Variants in SPATA19 observed in about 807,000 individuals in gnomAD.
SPATA19 encodes the protein spermatogenesis associated 19.
In SPATA19, 19 loss-of-function variants were observed where a neutral mutation model predicts 25.0. The ratio of observed to expected loss-of-function variants is 0.76; its 90% CI spans 0.53 to 1.11. The LOEUF is 1.11. Ranked by LOEUF, SPATA19 falls within the 50% of genes most tolerant of loss-of-function variation. The pLI is 0.00. For synonymous variants in SPATA19, 64 were observed against 69.3 expected (o/e 0.92, Z 0.38); for missense variants, 222 against 211.4 (o/e 1.05, Z -0.31).
At position 133,844,356 on chromosome 11, in the gene SPATA19, C is replaced by T; in HGVS notation, c.268-19G>A. The stretch of plus-strand genomic sequence containing the variant: ...GCTTCACCTGGGAAATCCAGAGGGT[C>T]CATGTGATTCCTGCCCAGTGTGGCC... On this transcript the variant is annotated intron_variant, in intron 3 of 6. Transcript: ENST00000299140. 6.2e-7 allele frequency: 1 copy of T among 1,613,592 alleles called. No homozygotes were observed. Among genetic ancestry groups the T allele is most frequent in the Non-Finnish European group, 8.5e-7 (1 of 1,179,514 alleles).
chr11:133,845,230 G>A (rs1326783474), intron 1 of SPATA19, 40 bp from the exon 2 acceptor site: 1 of 1,607,330 alleles, frequency 6.2e-7, no homozygotes, highest in Non-Finnish European at 8.5e-7. Flanking sequence ...AGAAAACCTA[G>A]AAATTCAGCT....
chr11:133,843,127 T>C (rs987194128), intron 4 of SPATA19, among the ~76,000 whole-genome samples: 6 of 152,214 alleles, frequency 3.9e-5, no homozygotes, highest in African/African-American at 7.2e-5. Flanking sequence ...AAAATCTTTG[T>C]AGAAAATCCA....
At chr11:133,841,966 C>T in intron 6 of SPATA19, 64 bp downstream of exon 6, 2 of 1,445,708 alleles carry the variant, frequency 1.4e-6, no homozygotes, top group East Asian at 2.3e-5. Context: ...AGCTGCAGTG[C>T]CCCTTCCCAC....
downstream of SPATA19, chr11:133,840,493 T>C (rs1398426122): frequency 1.3e-5 from 2 of 152,196 alleles, no homozygotes; most frequent in Non-Finnish European, 2.9e-5. Flanking sequence ...ATATCGCCAT[T>C]GTCACATTGC....
At chr11:133,839,747 A>G (rs1408868478), downstream of SPATA19, among the ~76,000 whole-genome samples, 2 of 152,182 alleles carry the variant, frequency 1.3e-5, no homozygotes, top group Non-Finnish European at 2.9e-5. Flanking sequence ...ACAAAGAGAA[A>G]AAGAAAAGAG....
intron 1 of SPATA19, 26 bp from the exon 2 acceptor site, chr11:133,845,216 C>T (rs1302273295): frequency 6.2e-7 from 1 of 1,612,724 alleles, no homozygotes; most frequent in Non-Finnish European, 8.5e-7. Context: ...AAGTTGGTGA[C>T]CTCAGAAAAC....
chr11:133,835,996 G>A (rs1646166852), downstream of SPATA19, among the ~76,000 whole-genome samples: 2 of 152,166 alleles, frequency 1.3e-5, no homozygotes, highest in Admixed American at 6.5e-5. Context: ...CTGTCTCCAC[G>A]TGTAAAATCA....
chr11:133,844,375 T>A (rs371626196), intron 3 of SPATA19, 38 bp from the exon 4 acceptor site: 1 of 1,612,550 alleles, frequency 6.2e-7, no homozygotes, highest in Non-Finnish European at 8.5e-7. Flanking sequence ...TCCTGCCCAG[T>A]GTGGCCCCCA....
Position 133,845,492 on chromosome 11 carries a change from G to A in SPATA19, c.-46C>T, listed in dbSNP as rs771275369. The A allele has an allele frequency of 6.2e-7, 1 of 1,601,516 alleles. No homozygotes were observed. The highest frequency in any genetic ancestry group is 1.7e-5 in the Admixed American group (1 of 59,808). On this transcript the variant is annotated 5_prime_UTR_variant, in exon 1 of 7. Transcript: ENST00000299140. Reference sequence around the variant, plus strand: ...CCCTTCTTGGCTCCCTCCTTCCATTGAAGCTGCCTGAGAACTCCTATGGGA... The same window carrying A: ...CCCTTCTTGGCTCCCTCCTTCCATTAAAGCTGCCTGAGAACTCCTATGGGA...
At chr11:133,842,133 G>T (rs1028244841) in intron 5 of SPATA19, 28 bp from the exon 6 acceptor site, 7 of 1,609,756 alleles carry the variant, frequency 4.3e-6, no homozygotes, top group Non-Finnish European at 4.2e-6. Flanking sequence ...GAAGGGCCAG[G>T]TGGAGGGAGG....
intron 2 of SPATA19, 57 bp downstream of exon 2, chr11:133,845,077 C>G: frequency 6.7e-7 from 1 of 1,493,650 alleles, no homozygotes; most frequent in Non-Finnish European, 9.3e-7. Context: ...CCCACACCCA[C>G]TGAGACCACT....
downstream of SPATA19, among the ~76,000 whole-genome samples, chr11:133,839,749 A>G (rs183244910): frequency 3.2e-4 from 49 of 152,314 alleles, no homozygotes; most frequent in African/African-American, 1.2e-3. Flanking sequence ...AAAGAGAAAA[A>G]GAAAAGAGTG....
chr11:133,838,549 A>G (rs950733708), downstream of SPATA19, among the ~76,000 whole-genome samples: 1 of 152,268 alleles, frequency 6.6e-6, no homozygotes, highest in African/African-American at 2.4e-5. Context: ...TTAAAGACTT[A>G]CATGTTAGAT....
chr11:133,839,939 TCAGAG>T (rs1262915007), downstream of SPATA19, among the ~76,000 whole-genome samples: 1 of 151,956 alleles, frequency 6.6e-6, no homozygotes, highest in African/African-American at 2.4e-5. Flanking sequence ...TCCTGGAATC[TCAGAG>T]AACACCAAGC....
intron 2 of SPATA19, among the ~76,000 whole-genome samples, chr11:133,844,901 G>C (rs1938387720): frequency 6.6e-6 from 1 of 152,182 alleles, no homozygotes; most frequent in African/African-American, 2.4e-5. Context: ...CCTTAAGCCA[G>C]GATGCTTGAG....
chr11:133,837,766 C>T (rs533178043), downstream of SPATA19, among the ~76,000 whole-genome samples: 8 of 152,148 alleles, frequency 5.3e-5, no homozygotes, highest in South Asian at 1.4e-3. Flanking sequence ...AACACTTCCC[C>T]TCCCACGCAC....
At chr11:133,841,385 G>A (rs957411783) in intron 6 of SPATA19, among the ~76,000 whole-genome samples, 3 of 152,218 alleles carry the variant, frequency 2.0e-5, no homozygotes, top group Admixed American at 2.0e-4. Flanking sequence ...CAGCCTTCCT[G>A]TAAGCATGCT....
Position 133,844,329 on chromosome 11 carries a change from G to T in SPATA19, c.276C>A (p.His92Gln). The T allele has an allele frequency of 1.2e-6, 2 of 1,614,126 alleles. No individual in the cohort carries two copies. The highest frequency in any genetic ancestry group is 8.5e-7 in the Non-Finnish European group (1 of 1,179,996). ...CCAACAAATCAGACTTAGAGAGGTG[G>T]TGCTTCACCTGGGAAATCCAGAGGG... ...DIHVTRDVVK[H>Q]HLSKSDLLAN... The change falls in exon 4 of 7, where the codon CAC becomes CAA. Residue 92 changes from histidine (H) to glutamine (Q), a missense_variant. Transcript: ENST00000299140.
At chr11:133,843,551 G>A (rs889396554) in intron 4 of SPATA19, among the ~76,000 whole-genome samples, 5 of 152,176 alleles carry the variant, frequency 3.3e-5, no homozygotes, top group Non-Finnish European at 5.9e-5. Flanking sequence ...TCGATGATGC[G>A]GCAGGGAAAG....
Sources: gnomAD v4.1 joint callset for allele counts (sites outside exome capture counted in the v4.1 genomes callset) on GRCh38, gnomAD v4.1.1 for gene constraint, MANE v1.5 for transcripts, NCBI Gene and HGNC (gene_info 2026-07-23, HGNC 2026-07-21) for gene names.